Variants in UBFD1 observed in about 807,000 individuals in gnomAD.
UBFD1 encodes the protein ubiquitin family domain containing 1.
UBFD1 carries 12 observed loss-of-function variants against 35.1 expected under a neutral mutation model. That is an observed-to-expected ratio of 0.34 (90% CI 0.22 to 0.55). The LOEUF (loss-of-function observed/expected upper bound fraction) is 0.55, where lower values mean the gene tolerates loss of function less well. Among genes scored for constraint, UBFD1 ranks in the 20% least tolerant of loss-of-function variants. UBFD1 has a pLI of 0.89. For missense variants in UBFD1, 337 were observed against 410.8 expected (o/e 0.82, Z 1.55); for synonymous variants, 178 against 167.6 (o/e 1.06, Z -0.48).
At position 23,573,341 on chromosome 16, in the gene UBFD1, C is replaced by T. The variant is rs776212529; in HGVS notation, c.*2751C>T. 6.6e-6 allele frequency: 1 copy of T among 152,196 alleles called. No individual in the cohort carries two copies. Among genetic ancestry groups the T allele is most frequent in the African/African-American group, 2.4e-5 (1 of 41,448 alleles). The allele number at this position is 152,196 out of a possible 1,614,324, so 9.4% of individuals were successfully genotyped here. ...AGCCTCCTGAGGGCTTCTTTGTCTT[C>T]TAGAATCTCTACCGGTGGTCCTCCT... On this transcript the variant is annotated 3_prime_UTR_variant, in exon 7 of 7. Coordinates refer to ENST00000395878, the MANE Select transcript of UBFD1 (RefSeq NM_019116.3).
At chr16:23,569,007 CTT>C (rs1282803066) in intron 6 of UBFD1, 1 of 152,046 alleles carries the variant, frequency 6.6e-6, no homozygotes, top group Non-Finnish European at 1.5e-5. Flanking sequence ...TTTTGGACGT[CTT>C]TGGAGGAATT....
intron 5 of UBFD1, 88 bp from the exon 6 acceptor site, chr16:23,566,899 G>A (rs902237185): frequency 1.5e-6 from 2 of 1,292,370 alleles, no homozygotes; most frequent in Non-Finnish European, 2.2e-6. Flanking sequence ...AGATCCCGCA[G>A]CCACCAGCCC....
chr16:23,568,503 G>A (rs1966041416), intron 6 of UBFD1, among the ~76,000 whole-genome samples: 1 of 151,402 alleles, frequency 6.6e-6, no homozygotes, highest in Non-Finnish European at 1.5e-5. Flanking sequence ...AAATTGGTTT[G>A]GCCTGGTCAG....
At position 23,561,341 on chromosome 16, in the gene UBFD1, T is replaced by G. The variant is rs183533790; in HGVS notation, c.565-865T>G. On this transcript the variant is annotated intron_variant, in intron 3 of 6. Transcript: ENST00000395878. Reference sequence around the variant, plus strand: ...GCTTACATTTGATTAAATTGTTACCTTCTATCCATTCATTGTCCCCTAGTT... The same window carrying G: ...GCTTACATTTGATTAAATTGTTACCGTCTATCCATTCATTGTCCCCTAGTT... Among the ~76,000 whole-genome samples, 267 of 152,324 alleles carry G rather than the reference T, an allele frequency of 1.8e-3. 4 individuals carry two copies. Among genetic ancestry groups the G allele is most frequent in the Non-Finnish European group, 9.6e-4 (65 of 68,022 alleles).
chr16:23,564,201 G>A (rs1006562969), intron 5 of UBFD1: 2 of 152,202 alleles, frequency 1.3e-5, no homozygotes, highest in African/African-American at 4.8e-5. Context: ...CTTAAAATGG[G>A]ACCAAGTTTT....
At position 23,562,167 on chromosome 16, in the gene UBFD1, A is replaced by C. The variant is rs753709620; in HGVS notation, c.565-39A>C. 1.9e-6 allele frequency: 3 copies of C among 1,572,186 alleles called. No individual in the cohort carries two copies. In the South Asian group the frequency reaches 3.4e-5, roughly 18 times the overall value. On this transcript the variant is annotated intron_variant, in intron 3 of 6. Coordinates refer to ENST00000395878, the MANE Select transcript of UBFD1 (RefSeq NM_019116.3). ...AGGGAATAGTAACACGACGAAATGT[A>C]GTCAGCTGTTTCATTTCATTCTCTC...
At chr16:23,563,583 G>A (rs1456772657) in intron 5 of UBFD1, among the ~76,000 whole-genome samples, 2 of 152,166 alleles carry the variant, frequency 1.3e-5, no homozygotes, top group Non-Finnish European at 2.9e-5. Flanking sequence ...TGCCCCATCT[G>A]TGTTTTCTTC....
In UBFD1 at chr16:23,572,033, C is replaced by G. The variant is rs116908797; in HGVS notation, c.*1443C>G. 4.8e-3 allele frequency: 741 copies of G among 152,784 alleles called. No individual in the cohort carries two copies. Among genetic ancestry groups the G allele is most frequent in the Non-Finnish European group, 7.4e-3 (503 of 68,044 alleles). The allele number at this position is 152,784 out of a possible 1,614,324, so 9.5% of individuals were successfully genotyped here. A position where few individuals can be genotyped will look rare whatever the true frequency, so the allele number is the denominator to read the frequency against. On this transcript the variant is annotated 3_prime_UTR_variant, in exon 7 of 7. Transcript: ENST00000395878. ...TCACATTTTGGATTCTAGGCTGTCA[C>G]CCCTCATTCTGTGAAACGTATTAGC...
In UBFD1 at chr16:23,570,535, C is replaced by T; in HGVS notation, c.875C>T (p.Thr292Ile). The T allele has an allele frequency of 6.2e-7, 1 of 1,614,112 alleles. No individual in the cohort carries two copies. The highest frequency in any genetic ancestry group is 8.5e-7 in the Non-Finnish European group (1 of 1,180,016). ...ASYYWVYWVPTQYVDAIKDTV... is the reference protein window; with the variant it reads ...ASYYWVYWVPIQYVDAIKDTV... ...TACTACTGGGTGTACTGGGTTCCAA[C>T]TCAATATGTGGATGCAATCAAAGAC... Residue 292 changes from threonine (T) to isoleucine (I), a missense_variant, in exon 7 of 7, where the codon ACT (threonine) becomes ATT (isoleucine). Thr to Ile is a moderately conservative substitution (Grantham distance 89). Transcript: ENST00000395878.
intron 3 of UBFD1, 47 bp from the exon 4 acceptor site, chr16:23,562,159 C>A (rs369313677): frequency 2.1e-5 from 32 of 1,543,590 alleles, no homozygotes; most frequent in Non-Finnish European, 2.2e-5. Context: ...AGTAACACGA[C>A]GAAATGTAGT....
intron 3 of UBFD1, 40 bp from the exon 4 acceptor site, chr16:23,562,166 T>C (rs777671933): frequency 1.3e-6 from 2 of 1,551,864 alleles, no homozygotes; most frequent in Non-Finnish European, 1.8e-6. Flanking sequence ...CGACGAAATG[T>C]AGTCAGCTGT....
intron 2 of UBFD1, among the ~76,000 whole-genome samples, chr16:23,558,602 T>C (rs1308789783): frequency 6.6e-6 from 1 of 152,172 alleles, no homozygotes; most frequent in Non-Finnish European, 1.5e-5. Context: ...GAGATTCTGA[T>C]TCAGTGGGTC....
Position 23,570,828 on chromosome 16 carries a change from A to G in UBFD1, c.*238A>G, listed in dbSNP as rs1300821421. On this transcript the variant is annotated 3_prime_UTR_variant, in exon 7 of 7. Coordinates refer to ENST00000395878, the MANE Select transcript of UBFD1 (RefSeq NM_019116.3). ...CAGCTTCATACCATTTTTAAAGTCA[A>G]TACGATGGAAATCAATAAATCTGAA... 4 of 363,548 alleles carry G rather than the reference A, an allele frequency of 1.1e-5. No individual in the cohort carries two copies. The highest frequency in any genetic ancestry group is 4.5e-5 in the South Asian group (1 of 22,326). The allele number at this position is 363,548 out of a possible 1,614,324, so 22.5% of individuals were successfully genotyped here. A position where few individuals can be genotyped will look rare whatever the true frequency, so the allele number is the denominator to read the frequency against.
At chr16:23,565,809 G>A in intron 5 of UBFD1, 1 of 152,112 alleles carries the variant, frequency 6.6e-6, no homozygotes, top group East Asian at 1.9e-4. Flanking sequence ...AAGGCTGCAA[G>A]TTTTTTTCCA....
intron 2 of UBFD1, 83 bp from the exon 3 acceptor site, chr16:23,559,385 T>C: frequency 1.6e-6 from 2 of 1,255,488 alleles, no homozygotes; most frequent in Non-Finnish European, 2.2e-6. Context: ...CACTTTTTGG[T>C]CTGTTACCAA....
intron 5 of UBFD1, 90 bp downstream of exon 5, chr16:23,562,820 T>C: frequency 9.3e-7 from 1 of 1,076,594 alleles, no homozygotes. Context: ...CACCCCTCCT[T>C]CTGAAACCTC....
chr16:23,558,258 C>G lies in UBFD1; in HGVS notation c.334C>G (p.Gln112Glu), dbSNP rs1412513625. The stretch of plus-strand genomic sequence containing the variant: ...GGACAGCACAGGCTCCGAGCTGAAA[C>G]AGAAGATCCACTCGATTACAGGTAA... Reference protein sequence around the residue: ...PLDSTGSELKQKIHSITGLPP... With the variant: ...PLDSTGSELKEKIHSITGLPP... Residue 112 changes from glutamine to glutamate, a missense_variant, in exon 2 of 7, where the codon CAG (glutamine) becomes GAG (glutamate). Around this residue, in one of 4 missense-constraint regions of UBFD1, gnomAD observed 198 missense variants for 168.4 expected, o/e 1.18. Transcript: ENST00000395878. The G allele has an allele frequency of 2.5e-6, 4 of 1,604,782 alleles. No individual in the cohort carries two copies. The highest frequency in any genetic ancestry group is 3.4e-5 in the Admixed American group (2 of 58,812).
At chr16:23,562,819 T>C in intron 5 of UBFD1, 89 bp downstream of exon 5, 1 of 1,089,856 alleles carries the variant, frequency 9.2e-7, no homozygotes, top group South Asian at 1.3e-5. Context: ...TCACCCCTCC[T>C]TCTGAAACCT....
chr16:23,565,586 C>T (rs568236293), intron 5 of UBFD1: 16 of 152,156 alleles, frequency 1.1e-4, no homozygotes, highest in Admixed American at 9.2e-4. Flanking sequence ...GCTTTAGGGC[C>T]GACTGTTGTA....
Sources: gnomAD v4.1 joint callset for allele counts (sites outside exome capture counted in the v4.1 genomes callset) on GRCh38, gnomAD v4.1.1 for gene constraint, gnomAD v4.1.1 regional missense constraint, MANE v1.5 for transcripts, NCBI Gene and HGNC (gene_info 2026-07-23, HGNC 2026-07-21) for gene names.